The following FAM114A2 variants were observed in gnomAD, a reference collection of about 807,000 sequenced individuals.
FAM114A2 encodes the protein family with sequence similarity 114 member A2.
FAM114A2 carries 53 observed loss-of-function variants against 58.4 expected under a neutral mutation model. That is an observed-to-expected ratio of 0.91 (90% CI 0.73 to 1.14). The LOEUF is 1.14. FAM114A2 is among the 50% of genes most tolerant of loss of function. FAM114A2 has a pLI of 0.00. For missense variants in FAM114A2, 601 were observed against 581.1 expected (o/e 1.03, Z -0.35); for synonymous variants, 228 against 211.4 (o/e 1.08, Z -0.68).
In FAM114A2 at chr5:154,002,650, A is replaced by G. The variant is rs149647426; in HGVS notation, c.1116+197T>C. Among the ~76,000 whole-genome samples, 527 of 152,318 alleles carry G rather than the reference A, an allele frequency of 3.5e-3. 7 individuals are homozygous for G. Among genetic ancestry groups the G allele is most frequent in the African/African-American group, 0.012 (500 of 41,580 alleles). The stretch of plus-strand genomic sequence containing the variant: ...AGTTTCTGGGAACCTTCCTCATGAC[A>G]AAACACACGCGCATCCTTTCTCTCT... On this transcript the variant is annotated intron_variant, in intron 10 of 13. Transcript: ENST00000351797.
intron 11 of FAM114A2, 78 bp downstream of exon 11, chr5:154,002,173 A>T: frequency 7.4e-7 from 1 of 1,345,832 alleles, no homozygotes; most frequent in Non-Finnish European, 1.1e-6. Context: ...CTTGAGAGAG[A>T]CGTTTATAAA....
At chr5:154,009,684 G>A (rs1249686833) in intron 9 of FAM114A2, among the ~76,000 whole-genome samples, 1 of 152,164 alleles carries the variant, frequency 6.6e-6, no homozygotes, top group Non-Finnish European at 1.5e-5. Context: ...GATACCCTGG[G>A]CAGGACACAC....
At chr5:154,006,145 G>A (rs1285228551) in intron 9 of FAM114A2, among the ~76,000 whole-genome samples, 1 of 152,172 alleles carries the variant, frequency 6.6e-6, no homozygotes, top group Non-Finnish European at 1.5e-5. Context: ...AAAGTGTGTA[G>A]GCAAACAGTG....
At position 154,011,246 on chromosome 5, in the gene FAM114A2, C is replaced by A. The variant is rs766762894; in HGVS notation, c.988G>T (p.Ala330Ser). Residue 330 changes from alanine (A) to serine (S), a missense_variant, in exon 9 of 14, where the codon GCC (alanine) becomes TCC (serine). Physicochemically the swap from Ala to Ser is moderately conservative, Grantham distance 99 (BLOSUM62 1). Coordinates refer to ENST00000351797, the MANE Select transcript of FAM114A2 (RefSeq NM_018691.4). ...ACCAAGAAGCAATAACTTACCCTGG[C>A]AAGTTTCTCTGGTTTGGAGGAAACG... ...LHVSSKPEKL[A>S]RARNTAHEWI... is the part of the protein sequence containing the mutation. 1 of 1,604,578 alleles carries A rather than the reference C, an allele frequency of 6.2e-7. No individual in the cohort carries two copies. The highest frequency in any genetic ancestry group is 1.7e-5 in the Admixed American group (1 of 59,626).
intron 9 of FAM114A2, among the ~76,000 whole-genome samples, chr5:154,007,628 G>T (rs887012567): frequency 1.3e-5 from 2 of 152,138 alleles, no homozygotes; most frequent in Non-Finnish European, 2.9e-5. Flanking sequence ...ACAAAAATAC[G>T]TATTAATGTG....
chr5:154,015,578 T>A (rs1231521001), intron 8 of FAM114A2, among the ~76,000 whole-genome samples: 2 of 151,970 alleles, frequency 1.3e-5, no homozygotes, highest in African/African-American at 2.4e-5. Context: ...GGGGGAAGGG[T>A]GCTACGTCAA....
chr5:154,001,709 A>T (rs1211588492), intron 11 of FAM114A2, among the ~76,000 whole-genome samples: 1 of 152,124 alleles, frequency 6.6e-6, no homozygotes, highest in Non-Finnish European at 1.5e-5. Flanking sequence ...TTTTTGTACA[A>T]ATCAGCAATA....
At position 153,993,113 on chromosome 5, in the gene FAM114A2, G is replaced by A. The variant is rs762585292; in HGVS notation, c.1384-3C>T. 1.9e-6 allele frequency: 3 copies of A among 1,597,932 alleles called. No individual in the cohort carries two copies. The highest frequency in any genetic ancestry group is 2.7e-5 in the African/African-American group (2 of 74,124). On this transcript the variant is annotated splice_region_variant and splice_polypyrimidine_tract_variant and intron_variant, in intron 13 of 13. Coordinates refer to ENST00000351797, the MANE Select transcript of FAM114A2 (RefSeq NM_018691.4). The stretch of plus-strand genomic sequence containing the variant: ...ATGTAGGAGGCACTGTTTGATGCCT[G>A]CCAGGATTGAAAAAACAAGAAAAAG...
rs974575271 is a variant in FAM114A2, at chr5:154,021,368, C to T, written c.913+5031G>A. Among the ~76,000 whole-genome samples the T allele has an allele frequency of 2.0e-5, 3 of 152,296 alleles. No individual in the cohort carries two copies. In the East Asian group the frequency reaches 5.8e-4, roughly 29 times the overall value. ...GAGGAAGTCAAATTGTCCCTGTTTG[C>T]AGATGACATGATTGTATATTTAGAA... On this transcript the variant is annotated intron_variant, in intron 8 of 13. Coordinates refer to ENST00000351797, the MANE Select transcript of FAM114A2 (RefSeq NM_018691.4).
At chr5:154,034,413 G>T in intron 2 of FAM114A2, 36 bp from the exon 3 acceptor site, 1 of 1,299,508 alleles carries the variant, frequency 7.7e-7, no homozygotes, top group Non-Finnish European at 1.1e-6. Context: ...AAAAGGCAAA[G>T]AAAAATGAAA....
chr5:154,029,976 C>T (rs1182937334), intron 4 of FAM114A2, among the ~76,000 whole-genome samples: 2 of 152,026 alleles, frequency 1.3e-5, no homozygotes, highest in Non-Finnish European at 2.9e-5. Flanking sequence ...TAAAAATTTT[C>T]TTATGTCTCA....
rs77133403 is a variant in FAM114A2 at position 154,010,569 on chromosome 5, T to G, written c.993+672A>C. ...ATGTGCACCTGCAGCTGACTGGTCC[T>G]GAAATGCTTCTCAAGATTGGTAGAG... On this transcript the variant is annotated intron_variant, in intron 9 of 13. Coordinates refer to ENST00000351797, the MANE Select transcript of FAM114A2 (RefSeq NM_018691.4). Among the ~76,000 whole-genome samples the G allele has an allele frequency of 6.6e-3, 1,009 of 152,258 alleles. 35 individuals carry two copies. The East Asian group carries it at 0.12, about 17-fold the overall frequency.
intron 8 of FAM114A2, among the ~76,000 whole-genome samples, chr5:154,024,367 C>T (rs569285577): frequency 2.0e-5 from 3 of 152,076 alleles, no homozygotes; most frequent in African/African-American, 4.8e-5. Flanking sequence ...TAAACCCATA[C>T]CACTTATTAA....
intron 8 of FAM114A2, among the ~76,000 whole-genome samples, chr5:154,012,200 C>G (rs1224223655): frequency 6.6e-6 from 1 of 152,012 alleles, no homozygotes; most frequent in Non-Finnish European, 1.5e-5. Flanking sequence ...AGAAGAGAAG[C>G]AAAGGGGATT....
chr5:154,013,943 G>C (rs1476368175), intron 8 of FAM114A2, among the ~76,000 whole-genome samples: 1 of 152,104 alleles, frequency 6.6e-6, no homozygotes, highest in Non-Finnish European at 1.5e-5. Context: ...TATTACTTGA[G>C]AGGAATTAGC....
chr5:154,024,019 G>A (rs915281265), intron 8 of FAM114A2, among the ~76,000 whole-genome samples: 1 of 152,064 alleles, frequency 6.6e-6, no homozygotes, highest in Non-Finnish European at 1.5e-5. Flanking sequence ...TAGTTACCTG[G>A]TTTCTCACCC....
chr5:154,013,201 AATGTGTAAGG>A (rs1253014984), intron 8 of FAM114A2, among the ~76,000 whole-genome samples: 9 of 152,170 alleles, frequency 5.9e-5, no homozygotes, highest in Non-Finnish European at 1.2e-4. Flanking sequence ...TTAGAATAAA[AATGTGTAAGG>A]ATGGAAAAGA....
intron 12 of FAM114A2, among the ~76,000 whole-genome samples, chr5:153,997,328 T>C (rs1561539693): frequency 1.3e-5 from 2 of 152,218 alleles, no homozygotes; most frequent in African/African-American, 2.4e-5. Context: ...TTATTCATTA[T>C]AGCCAAAAAG....
At chr5:153,996,325 T>C (rs899192231) in intron 12 of FAM114A2, among the ~76,000 whole-genome samples, 1 of 152,110 alleles carries the variant, frequency 6.6e-6, no homozygotes, top group Non-Finnish European at 1.5e-5. Flanking sequence ...CACATAGTAC[T>C]GGAACAAACG....
Sources: gnomAD v4.1 joint callset for allele counts (sites outside exome capture counted in the v4.1 genomes callset) on GRCh38, gnomAD v4.1.1 for gene constraint, MANE v1.5 for transcripts, NCBI Gene and HGNC (gene_info 2026-07-23, HGNC 2026-07-21) for gene names.